The following SLAMF8 variants were observed in gnomAD, a reference collection of about 807,000 sequenced individuals.
The protein encoded by SLAMF8 is SLAM family member 8.
Under a neutral mutation model 29.0 loss-of-function variants are expected in SLAMF8, and 23 were observed. The ratio of observed to expected loss-of-function variants is 0.79; its 90% CI spans 0.57 to 1.13. SLAMF8 has a LOEUF of 1.13. SLAMF8 is among the 50% of genes most tolerant of loss of function. SLAMF8 has a pLI of 0.00. For synonymous variants in SLAMF8, 139 were observed against 145.6 expected (o/e 0.96, Z 0.32); for missense variants, 381 against 353.1 (o/e 1.08, Z -0.63).
intron 2 of SLAMF8, among the ~76,000 whole-genome samples, chr1:159,832,604 T>C (rs952952783): frequency 9.2e-5 from 14 of 152,210 alleles, no homozygotes; most frequent in African/African-American, 3.1e-4. Flanking sequence ...CATGACATGT[T>C]TGGGAAAACT....
chr1:159,830,022 G>C lies in SLAMF8; in HGVS notation c.197G>C (p.Gly66Ala). The change falls in exon 2 of 5, where the codon GGC (glycine) becomes GCC (alanine). Residue 66 changes from glycine (G) to alanine (A), a missense_variant. Transcript: ENST00000289707. ...SEELLATFFR[G>A]SLETLYHSRF... Reference sequence around the variant, plus strand: ...GAGCTCCTGGCCACGTTTTTCCGAGGCTCCCTGGAGACTCTGTACCATTCC... The same window carrying C: ...GAGCTCCTGGCCACGTTTTTCCGAGCCTCCCTGGAGACTCTGTACCATTCC... 6.2e-7 allele frequency: 1 copy of C among 1,614,212 alleles called. No individual in the cohort carries two copies. The highest frequency in any genetic ancestry group is 1.1e-5 in the South Asian group (1 of 91,086).
In SLAMF8 at chr1:159,833,135, G is replaced by A; in HGVS notation, c.627G>A (p.Trp209Ter). ...GCATTGTCTCCAACCCTGTCAGCTGGGACTTGGCCACAGTCACGCCCTGGG... is the reference window on the plus strand; with the variant it reads ...GCATTGTCTCCAACCCTGTCAGCTGAGACTTGGCCACAGTCACGCCCTGGG... ...YSCIVSNPVS[W>*]DLATVTPWDS... The change falls in exon 3 of 5, where the codon TGG (tryptophan) becomes TGA (stop). Residue 209 changes from tryptophan to a stop codon, truncating the protein, a stop_gained. Transcript: ENST00000289707. LOFTEE classifies it high-confidence loss of function. The A allele has an allele frequency of 6.2e-7, 1 of 1,614,146 alleles. No individual in the cohort carries two copies.
intron 1 of SLAMF8, among the ~76,000 whole-genome samples, chr1:159,829,617 T>C (rs1276743871): frequency 6.6e-6 from 1 of 152,212 alleles, no homozygotes; most frequent in East Asian, 1.9e-4. Flanking sequence ...TTTCCCTTCA[T>C]GGTATTTAAC....
Position 159,832,908 on chromosome 1 carries a change from A to G in SLAMF8, c.400A>G (p.Ile134Val). ...GCCCAGGCCCGTGGTACAAGTGTTCATTGCTGTAGAAAGGGATGCTCAGCC... is the reference window on the plus strand; with the variant it reads ...GCCCAGGCCCGTGGTACAAGTGTTCGTTGCTGTAGAAAGGGATGCTCAGCC... ...AVPRPVVQVF[I>V]AVERDAQPSK... Residue 134 changes from isoleucine (I) to valine (V), a missense_variant, in exon 3 of 5, where the codon ATT (isoleucine) becomes GTT (valine). By Grantham distance (29) the Ile-to-Val change is conservative. Transcript: ENST00000289707. 1 of 1,614,164 alleles carries G rather than the reference A, an allele frequency of 6.2e-7. No homozygotes were observed.
rs1571147463 is a variant in SLAMF8 at position 159,836,338 on chromosome 1, C to T, written c.*1078C>T. ...AGCAGGACTGTAGAGGTCACTCTGA[C>T]TCCATCAAACTTTTTATTGTGGCCA... On this transcript the variant is annotated 3_prime_UTR_variant, in exon 5 of 5. Coordinates refer to ENST00000289707, the MANE Select transcript of SLAMF8 (RefSeq NM_020125.3). The T allele has an allele frequency of 1.0e-6, 1 of 984,862 alleles. No individual in the cohort carries two copies. The highest frequency in any genetic ancestry group is 1.1e-4 in the East Asian group (1 of 8,822). 61.0% of individuals were successfully genotyped at this position (984,862 alleles called of 1,614,324 possible). A position where few individuals can be genotyped will look rare whatever the true frequency, so the allele number is the denominator to read the frequency against.
chr1:159,837,414 C>G lies in SLAMF8; in HGVS notation c.*2154C>G. ...CATGTGCTGGGTACATTTCTTGGCACTTGGGAATCAGTAGTCAAGCGAAAC... is the reference window on the plus strand; with the variant it reads ...CATGTGCTGGGTACATTTCTTGGCAGTTGGGAATCAGTAGTCAAGCGAAAC... On this transcript the variant is annotated 3_prime_UTR_variant, in exon 5 of 5. Coordinates refer to ENST00000289707, the MANE Select transcript of SLAMF8 (RefSeq NM_020125.3). The G allele has an allele frequency of 1.7e-5, 11 of 641,172 alleles. No homozygotes were observed. The highest frequency in any genetic ancestry group is 6.9e-5 in the South Asian group (1 of 14,416). The allele number at this position is 641,172 out of a possible 1,614,324, so 39.7% of individuals were successfully genotyped here. A position where few individuals can be genotyped will look rare whatever the true frequency, so the allele number is the denominator to read the frequency against.
At chr1:159,827,804 T>G (rs1014585079) in intron 1 of SLAMF8, among the ~76,000 whole-genome samples, 2 of 152,136 alleles carry the variant, frequency 1.3e-5, no homozygotes, top group Non-Finnish European at 1.5e-5. Flanking sequence ...AAAAAAGGCC[T>G]TGGTCTGTTT....
At position 159,836,943 on chromosome 1, in the gene SLAMF8, C is replaced by T. The variant is rs1321302770; in HGVS notation, c.*1683C>T. ...CTGCCACCTACAGTCAGGCCACATG[C>T]CTGGTCACTGAATCATGCAAAACTG... On this transcript the variant is annotated 3_prime_UTR_variant, in exon 5 of 5. Transcript: ENST00000289707. 15 of 985,422 alleles carry T rather than the reference C, an allele frequency of 1.5e-5. No individual in the cohort carries two copies. The highest frequency in any genetic ancestry group is 1.8e-5 in the Non-Finnish European group (15 of 830,008). The allele number at this position is 985,422 out of a possible 1,614,324, so 61.0% of individuals were successfully genotyped here. A position where few individuals can be genotyped will look rare whatever the true frequency, so the allele number is the denominator to read the frequency against.
intron 1 of SLAMF8, among the ~76,000 whole-genome samples, chr1:159,829,137 G>C (rs534965782): frequency 6.6e-6 from 1 of 152,030 alleles, no homozygotes; most frequent in African/African-American, 2.4e-5. Context: ...TCAAGTTGCC[G>C]TCACTTCTCC....
rs1647821619 is a variant in SLAMF8 at position 159,835,177 on chromosome 1, T to C, written c.782-7T>C. 1.2e-6 allele frequency: 2 copies of C among 1,613,610 alleles called. No homozygotes were observed. The highest frequency in any genetic ancestry group is 1.7e-6 in the Non-Finnish European group (2 of 1,179,722). On this transcript the variant is annotated splice_polypyrimidine_tract_variant and splice_region_variant and intron_variant, in intron 4 of 4. Transcript: ENST00000289707. ...AGGGGTAACTTTCTTTCTGATGTCCTTACCAGGGAAAAAGAAAAAGGATGT... is the reference window on the plus strand; with the variant it reads ...AGGGGTAACTTTCTTTCTGATGTCCCTACCAGGGAAAAAGAAAAAGGATGT...
At chr1:159,829,013 T>C (rs1647265856) in intron 1 of SLAMF8, among the ~76,000 whole-genome samples, 1 of 152,102 alleles carries the variant, frequency 6.6e-6, no homozygotes, top group African/African-American at 2.4e-5. Context: ...TCGACTCCTT[T>C]TTCTCCTTCA....
rs1647920299 is a variant in SLAMF8 at position 159,836,200 on chromosome 1, A to G, written c.*940A>G. On this transcript the variant is annotated 3_prime_UTR_variant, in exon 5 of 5. Transcript: ENST00000289707. ...TAAAACGCTATGCAGAAGGAACATT[A>G]TGGAGAGAAAGGGTACTGAGGCACT... The G allele has an allele frequency of 4.1e-6, 4 of 985,340 alleles. No individual in the cohort carries two copies. Among genetic ancestry groups the G allele is most frequent in the Non-Finnish European group, 4.8e-6 (4 of 829,940 alleles). The allele number at this position is 985,340 out of a possible 1,614,324, so 61.0% of individuals were successfully genotyped here.
chr1:159,829,697 G>T (rs150125313), intron 1 of SLAMF8, among the ~76,000 whole-genome samples, 169 bp from the exon 2 acceptor site: 1 of 152,166 alleles, frequency 6.6e-6, no homozygotes, highest in South Asian at 2.1e-4. Context: ...AGAGACTGGG[G>T]TTATCTTCCA....
At chr1:159,830,910 G>A (rs1444995514) in intron 2 of SLAMF8, among the ~76,000 whole-genome samples, 4 of 152,052 alleles carry the variant, frequency 2.6e-5, no homozygotes, top group South Asian at 2.1e-4. Flanking sequence ...TCATAATTCC[G>A]TGGGTTGGCA....
At chr1:159,832,471 G>A (rs1410015131) in intron 2 of SLAMF8, among the ~76,000 whole-genome samples, 1 of 152,216 alleles carries the variant, frequency 6.6e-6, no homozygotes, top group Non-Finnish European at 1.5e-5. Context: ...CACAGTCAAG[G>A]CATTAAGCAA....
rs889002344 is a variant in SLAMF8, at chr1:159,834,969, T to TA, written c.782-214dup. On this transcript the variant is annotated intron_variant, in intron 4 of 4. Transcript: ENST00000289707. ...TTTCCATACCTTCTACAATTAAATG[T>TA]ATGGCATAGTTGCAGGCCAAGGTTA... 7.5e-6 allele frequency: 4 copies of TA among 530,410 alleles called. No homozygotes were observed. In the African/African-American group the frequency reaches 7.6e-5, roughly 10 times the overall value. The allele number at this position is 530,410 out of a possible 1,614,324, so 32.9% of individuals were successfully genotyped here. A position where few individuals can be genotyped will look rare whatever the true frequency, so the allele number is the denominator to read the frequency against.
At chr1:159,827,796 A>G (rs1228430593) in intron 1 of SLAMF8, among the ~76,000 whole-genome samples, 4 of 152,052 alleles carry the variant, frequency 2.6e-5, no homozygotes, top group Non-Finnish European at 5.9e-5. Context: ...TTAACCTCAA[A>G]AAAGGCCTTG....
At position 159,835,318 on chromosome 1, in the gene SLAMF8, G is replaced by A. The variant is rs1647839296; in HGVS notation, c.*58G>A. On this transcript the variant is annotated 3_prime_UTR_variant, in exon 5 of 5. Transcript: ENST00000289707. The stretch of plus-strand genomic sequence containing the variant: ...TAACCCCACTGCACAGGCACACGAT[G>A]CTCTGGGACATAACTGGTGCCTGGA... 11 of 1,579,324 alleles carry A rather than the reference G, an allele frequency of 7.0e-6. No individual in the cohort carries two copies. Among genetic ancestry groups the A allele is most frequent in the South Asian group, 3.5e-5 (3 of 85,584 alleles).
Position 159,836,723 on chromosome 1 carries a change from A to C in SLAMF8, c.*1463A>C. On this transcript the variant is annotated 3_prime_UTR_variant, in exon 5 of 5. Coordinates refer to ENST00000289707, the MANE Select transcript of SLAMF8 (RefSeq NM_020125.3). ...AAGGATCAGCACAGCTGGCCTCCAG[A>C]TCCACATCACCACTCTTCCACTCGA... 1.0e-6 allele frequency: 1 copy of C among 985,542 alleles called. No individual in the cohort carries two copies. The highest frequency in any genetic ancestry group is 1.2e-6 in the Non-Finnish European group (1 of 830,052). The allele number at this position is 985,542 out of a possible 1,614,324, so 61.0% of individuals were successfully genotyped here.
Sources: allele counts gnomAD v4.1 joint callset (sites outside exome capture counted in the v4.1 genomes callset), GRCh38; gene constraint gnomAD v4.1.1; transcripts MANE v1.5; gene names NCBI Gene and HGNC (gene_info 2026-07-23, HGNC 2026-07-21).